ZFP62: variants seen among roughly 807,000 people sequenced by gnomAD.
ZFP62 encodes zinc finger protein 62 homolog.
In ZFP62, 44 loss-of-function variants were observed where a neutral mutation model predicts 56.4. The observed-to-expected ratio is 0.78, with a 90% CI of 0.61 to 1.00. ZFP62 has a LOEUF of 1.00. Among genes scored for constraint, ZFP62 ranks in the 50% least tolerant of loss-of-function variants. ZFP62 has a pLI of 0.00. For synonymous variants in ZFP62, 421 were observed against 388.9 expected, an observed-to-expected ratio of 1.08 and a Z score of -0.97; for missense variants, 1,030 against 1,085.7, an observed-to-expected ratio of 0.95 and a Z score of 0.72.
Position 180,847,815 on chromosome 5 carries a change from A to G in ZFP62, c.*977T>C. 1.0e-6 allele frequency: 1 copy of G among 985,382 alleles called. No individual in the cohort carries two copies. The highest frequency in any genetic ancestry group is 1.2e-6 in the Non-Finnish European group (1 of 829,910). The allele number at this position is 985,382 out of a possible 1,614,324, so 61.0% of individuals were successfully genotyped here. ...TTAACAGGATTATTAAGAAACATTA[A>G]TTTCCTTCTCTCTAGATGACTGGTA... On this transcript the variant is annotated 3_prime_UTR_variant, in exon 2 of 2. Transcript: ENST00000502412.
the ZFP62 span, among the ~76,000 whole-genome samples, chr5:180,827,599 T>C: frequency 1.3e-5 from 2 of 152,228 alleles, no homozygotes; most frequent in Admixed American, 1.3e-4. Context: ...AGCCAGGTAT[T>C]GTCCAAGGTT....
chr5:180,834,096 T>A, the ZFP62 span, among the ~76,000 whole-genome samples: 1 of 152,142 alleles, frequency 6.6e-6, no homozygotes, highest in African/African-American at 2.4e-5. Flanking sequence ...GTGGGAACTT[T>A]GGGAAGTAAC....
chr5:180,844,037 T>C (rs927741077), downstream of ZFP62, among the ~76,000 whole-genome samples: 6 of 152,022 alleles, frequency 3.9e-5, no homozygotes, highest in Admixed American at 2.6e-4. Context: ...CTGACTTTGA[T>C]TATTTGTGCT....
In ZFP62 at chr5:180,848,779, T is replaced by A. The variant is rs966083431; in HGVS notation, c.*13A>T. 6 of 1,493,992 alleles carry A rather than the reference T, an allele frequency of 4.0e-6. No individual in the cohort carries two copies. In the African/African-American group the frequency reaches 8.5e-5, roughly 21 times the overall value. The allele number at this position is 1,493,992 out of a possible 1,614,324, so 92.5% of individuals were successfully genotyped here. ...TCCATTTGAGTTCGGAGAGACTTGGTAAGCTCTGCCTGCTACAGAGGCATC... is the reference window on the plus strand; with the variant it reads ...TCCATTTGAGTTCGGAGAGACTTGGAAAGCTCTGCCTGCTACAGAGGCATC... On this transcript the variant is annotated 3_prime_UTR_variant, in exon 2 of 2. Coordinates refer to ENST00000502412, the MANE Select transcript of ZFP62 (RefSeq NM_001172638.2).
chr5:180,827,585 G>A, the ZFP62 span, among the ~76,000 whole-genome samples: 1 of 152,226 alleles, frequency 6.6e-6, no homozygotes, highest in Non-Finnish European at 1.5e-5. Context: ...CCTCTGCTGA[G>A]GAAAGCCAGG....
At chr5:180,852,060 C>T (rs900310893) in intron 1 of ZFP62, 2 of 980,396 alleles carry the variant, frequency 2.0e-6, no homozygotes, top group African/African-American at 1.8e-5. Flanking sequence ...AAGAAGGCAA[C>T]CTGCATATTA....
At chr5:180,840,761 A>G in the ZFP62 span, among the ~76,000 whole-genome samples, 2 of 147,902 alleles carry the variant, frequency 1.4e-5, no homozygotes, top group African/African-American at 5.0e-5. Flanking sequence ...ATCTGCCTCA[A>G]AAAAAAAATA....
At position 180,848,702 on chromosome 5, in the gene ZFP62, T is replaced by C; in HGVS notation, c.*90A>G. On this transcript the variant is annotated 3_prime_UTR_variant, in exon 2 of 2. Coordinates refer to ENST00000502412, the MANE Select transcript of ZFP62 (RefSeq NM_001172638.2). The stretch of plus-strand genomic sequence containing the variant: ...CTCTAGGATGGTTTCATTTACACTG[T>C]GTAAATTACAAGCCATGACCCCCTA... The C allele has an allele frequency of 1.4e-6, 2 of 1,444,480 alleles. No individual in the cohort carries two copies. Among genetic ancestry groups the C allele is most frequent in the Non-Finnish European group, 1.8e-6 (2 of 1,096,222 alleles). 89.5% of individuals were successfully genotyped at this position (1,444,480 alleles called of 1,614,324 possible).
downstream of ZFP62, among the ~76,000 whole-genome samples, chr5:180,845,152 G>T (rs533223363): frequency 2.0e-5 from 3 of 151,824 alleles, no homozygotes; most frequent in East Asian, 1.9e-4. Context: ...AGCCAACAAT[G>T]ATGAAACCCT....
chr5:180,861,097 G>C, intron 1 of ZFP62, 122 bp downstream of exon 1: 1 of 398,014 alleles, frequency 2.5e-6, no homozygotes, highest in Non-Finnish European at 4.4e-6. Context: ...TGCGGGGAGG[G>C]GGCACGCTTA....
chr5:180,854,199 T>A (rs1773854902), intron 1 of ZFP62, among the ~76,000 whole-genome samples: 1 of 152,052 alleles, frequency 6.6e-6, no homozygotes. Context: ...ACATACAAGA[T>A]GAGCATCATG....
intron 1 of ZFP62, among the ~76,000 whole-genome samples, chr5:180,859,821 A>G (rs1254650586): frequency 6.6e-6 from 1 of 152,254 alleles, no homozygotes; most frequent in Non-Finnish European, 1.5e-5. Flanking sequence ...GACTTGTCAT[A>G]TGTAACAATC....
In ZFP62 at chr5:180,848,015, G is replaced by A; in HGVS notation, c.*777C>T. 1 of 985,408 alleles carries A rather than the reference G, an allele frequency of 1.0e-6. No homozygotes were observed. 61.0% of individuals were successfully genotyped at this position (985,408 alleles called of 1,614,324 possible). A position where few individuals can be genotyped will look rare whatever the true frequency, so the allele number is the denominator to read the frequency against. On this transcript the variant is annotated 3_prime_UTR_variant, in exon 2 of 2. Transcript: ENST00000502412. ...GTAGAACCTTTTATTGTAGCATAATGTGTGAATACCACTTCCAGGTTATCC... is the reference window on the plus strand; with the variant it reads ...GTAGAACCTTTTATTGTAGCATAATATGTGAATACCACTTCCAGGTTATCC...
the ZFP62 span, among the ~76,000 whole-genome samples, chr5:180,828,057 A>G: frequency 1.3e-5 from 2 of 152,228 alleles, no homozygotes; most frequent in Non-Finnish European, 2.9e-5. Flanking sequence ...ACAAATGATC[A>G]ATAAATACTA....
chr5:180,849,876 T>G lies in ZFP62; in HGVS notation c.1619A>C (p.Lys540Thr). 26 of 1,551,770 alleles carry G rather than the reference T, an allele frequency of 1.7e-5. No homozygotes were observed. Among genetic ancestry groups the G allele is most frequent in the Non-Finnish European group, 2.1e-5 (24 of 1,147,014 alleles). Residue 540 changes from lysine (K) to threonine (T), a missense_variant, in exon 2 of 2, where the codon AAA (lysine) becomes ACA (threonine). Coordinates refer to ENST00000502412, the MANE Select transcript of ZFP62 (RefSeq NM_001172638.2). The stretch of plus-strand genomic sequence containing the variant: ...AAGGCCAGAATTATTTCTGAAAGCT[T>G]TACCACACTCATCACACCCAAAGGG... ...EKPFGCDECG[K>T]AFRNNSGLKV...
In ZFP62 at chr5:180,851,176, G is replaced by T. The variant is rs1289677797; in HGVS notation, c.319C>A (p.Pro107Thr). ...TGCTCACTGCCTCTCTGTCCTATAG[G>T]CATAGTCTGGTGTGTGATATGCTGT... is the stretch of plus-strand genomic sequence containing the variant. ...SPQHITHQTM[P>T]IGQRGSEQGK... Residue 107 changes from proline (P) to threonine (T), a missense_variant, in exon 2 of 2, where the codon CCT (proline) becomes ACT (threonine). By Grantham distance (38) the Pro-to-Thr change is conservative. Transcript: ENST00000502412. 6.4e-7 allele frequency: 1 copy of T among 1,551,620 alleles called. No homozygotes were observed. Among genetic ancestry groups the T allele is most frequent in the East Asian group, 2.4e-5 (1 of 40,932 alleles).
Position 180,849,502 on chromosome 5 carries a change from T to C in ZFP62, c.1993A>G (p.Arg665Gly), listed in dbSNP as rs1448501942. The stretch of plus-strand genomic sequence containing the variant: ...TAGGGCCTCTCCCCAGTATGGATTC[T>C]TTTATGAACTTTAAGGCTTGAGTTG... ...RNNSSLKVHK[R>G]IHTGERPYEC... Residue 665 changes from arginine to glycine, a missense_variant, in exon 2 of 2, where the codon AGA (arginine) becomes GGA (glycine). Coordinates refer to ENST00000502412, the MANE Select transcript of ZFP62 (RefSeq NM_001172638.2). The C allele has an allele frequency of 1.3e-6, 2 of 1,552,140 alleles. No individual in the cohort carries two copies. Among genetic ancestry groups the C allele is most frequent in the African/African-American group, 2.7e-5 (2 of 73,034 alleles).
chr5:180,848,964 TCATTA>T lies in ZFP62; in HGVS notation c.2526_2530del (p.Cys842Ter). 1 of 1,551,848 alleles carries T rather than the reference TCATTA, an allele frequency of 6.4e-7. No homozygotes were observed. Among genetic ancestry groups the T allele is most frequent in the South Asian group, 1.2e-5 (1 of 84,062 alleles). On this transcript the variant is annotated stop_gained and frameshift_variant, in exon 2 of 2. Transcript: ENST00000502412. LOFTEE classifies it high-confidence loss of function. ...TCTGATATTAAAAGCCTTACCACAC[TCATTA>T]CATCGGTATGGCTTCTTTCCAGTGT...
Position 180,848,026 on chromosome 5 carries a change from ACTTCC to A in ZFP62, c.*761_*765del. On this transcript the variant is annotated 3_prime_UTR_variant, in exon 2 of 2. Transcript: ENST00000502412. ...TATTGTAGCATAATGTGTGAATACC[ACTTCC>A]AGGTTATCCCTCATCACAAATTCAT... 1.0e-6 allele frequency: 1 copy of A among 985,454 alleles called. No homozygotes were observed. Among genetic ancestry groups the A allele is most frequent in the South Asian group, 4.7e-5 (1 of 21,288 alleles). 61.0% of individuals were successfully genotyped at this position (985,454 alleles called of 1,614,324 possible).
Sources: gnomAD v4.1 joint callset for allele counts (sites outside exome capture counted in the v4.1 genomes callset) on GRCh38, gnomAD v4.1.1 for gene constraint, MANE v1.5 for transcripts, NCBI Gene and HGNC (gene_info 2026-07-23, HGNC 2026-07-21) for gene names.